MLYCD: variants seen among roughly 807,000 people sequenced by gnomAD.
The protein encoded by MLYCD is malonyl-CoA decarboxylase, also known as malonyl-CoA decarboxylase, mitochondrial.
Under a neutral mutation model 35.8 loss-of-function variants are expected in MLYCD, and 27 were observed. The ratio of observed to expected loss-of-function variants is 0.75; its 90% CI spans 0.56 to 1.04. The LOEUF (loss-of-function observed/expected upper bound fraction) is 1.04, where lower values mean the gene tolerates loss of function less well. Among genes scored for constraint, MLYCD ranks in the 50% least tolerant of loss-of-function variants. MLYCD has a pLI of 0.00. For synonymous variants in MLYCD, 403 were observed against 302.4 expected, an observed-to-expected ratio of 1.33 and a Z score of -3.45; for missense variants, 917 against 665.1, an observed-to-expected ratio of 1.38 and a Z score of -4.17.
rs1303720410 is a variant in MLYCD, at chr16:83,915,500, C to A, written c.*11C>A. ...AACAGCAAGCTCTGACAGTAAACCT[C>A]TCCTAAAGCACAGGGCCCCGGCTAA... On this transcript the variant is annotated 3_prime_UTR_variant, in exon 5 of 5. Coordinates refer to ENST00000262430, the MANE Select transcript of MLYCD (RefSeq NM_012213.3). 10 of 1,608,770 alleles carry A rather than the reference C, an allele frequency of 6.2e-6. No homozygotes were observed. In the African/African-American group the frequency reaches 1.3e-4, roughly 21 times the overall value.
chr16:83,912,390 C>G, intron 4 of MLYCD, 23 bp downstream of exon 4: 2 of 1,613,872 alleles, frequency 1.2e-6, no homozygotes, highest in Non-Finnish European at 1.7e-6. Context: ...CAGGGAGCCC[C>G]GGTCACGCTT....
intron 1 of MLYCD, among the ~76,000 whole-genome samples, chr16:83,903,098 G>A (rs1035676250): frequency 1.3e-5 from 2 of 152,192 alleles, no homozygotes; most frequent in South Asian, 4.1e-4. Context: ...GCGAGGTTCA[G>A]TGATTTGTGG....
chr16:83,909,133 T>C (rs1907083391), intron 3 of MLYCD, among the ~76,000 whole-genome samples: 1 of 152,174 alleles, frequency 6.6e-6, no homozygotes, highest in African/African-American at 2.4e-5. Flanking sequence ...CGATGCCCTC[T>C]TGGTGGGACT....
intron 1 of MLYCD, among the ~76,000 whole-genome samples, chr16:83,902,588 C>T (rs374787664): frequency 4.6e-5 from 7 of 150,900 alleles, no homozygotes; most frequent in African/African-American, 1.5e-4. Context: ...TCATTGCAAC[C>T]TTCGCCTCCC....
At position 83,927,016 on chromosome 16, in the gene MLYCD, A is replaced by ATAAAT. The variant is rs1555540814; in HGVS notation, c.*11527_*11528insTAAAT. On this transcript the variant is annotated 3_prime_UTR_variant, in exon 5 of 5. Coordinates refer to ENST00000262430, the MANE Select transcript of MLYCD (RefSeq NM_012213.3). The stretch of plus-strand genomic sequence containing the variant: ...ACGTCTCAAAAAAAAATAAAAATAA[A>ATAAAT]AAAATAAAATCCTAACAGGTAGCAT... 1.8e-3 allele frequency: 281 copies of ATAAAT among 152,094 alleles called. 1 individual carries two copies. The highest frequency in any genetic ancestry group is 6.5e-3 in the African/African-American group (270 of 41,434). The allele number at this position is 152,094 out of a possible 1,614,324, so 9.4% of individuals were successfully genotyped here. A position where few individuals can be genotyped will look rare whatever the true frequency, so the allele number is the denominator to read the frequency against.
chr16:83,902,616 C>T (rs1031433389), intron 1 of MLYCD, among the ~76,000 whole-genome samples: 4 of 151,722 alleles, frequency 2.6e-5, no homozygotes, highest in Non-Finnish European at 5.9e-5. Flanking sequence ...AGCCATTCTC[C>T]CACCTCAGCC....
chr16:83,907,986 T>G, intron 2 of MLYCD, 140 bp from the exon 3 acceptor site: 1 of 1,090,512 alleles, frequency 9.2e-7, no homozygotes, highest in Non-Finnish European at 1.3e-6. Context: ...GAAAATGACT[T>G]TCTTTGAATT....
In MLYCD at chr16:83,923,347, T is replaced by G. The variant is rs1159028318; in HGVS notation, c.*7858T>G. 6.6e-6 allele frequency: 1 copy of G among 152,262 alleles called. No homozygotes were observed. The highest frequency in any genetic ancestry group is 1.5e-5 in the Non-Finnish European group (1 of 68,042). 9.4% of individuals were successfully genotyped at this position (152,262 alleles called of 1,614,324 possible). ...GGATTCTGAGGCGCTTACAGAAATA[T>G]GAAGTCCATTTTGATCTACTCTTAG... On this transcript the variant is annotated 3_prime_UTR_variant, in exon 5 of 5. Transcript: ENST00000262430.
intron 3 of MLYCD, among the ~76,000 whole-genome samples, chr16:83,911,311 A>T (rs1461324479): frequency 6.6e-6 from 1 of 152,246 alleles, no homozygotes. Context: ...CAGAAAGTTC[A>T]TGGACTGACT....
At position 83,916,951 on chromosome 16, in the gene MLYCD, G is replaced by T. The variant is rs1356140206; in HGVS notation, c.*1462G>T. The T allele has an allele frequency of 7.2e-6, 1 of 138,184 alleles. No individual in the cohort carries two copies. The highest frequency in any genetic ancestry group is 2.8e-5 in the African/African-American group (1 of 35,236). 8.6% of individuals were successfully genotyped at this position (138,184 alleles called of 1,614,324 possible). A position where few individuals can be genotyped will look rare whatever the true frequency, so the allele number is the denominator to read the frequency against. On this transcript the variant is annotated 3_prime_UTR_variant, in exon 5 of 5. Coordinates refer to ENST00000262430, the MANE Select transcript of MLYCD (RefSeq NM_012213.3). Reference sequence around the variant, plus strand: ...TGGATCAGTGCACGTCTGTGTGCGTGTGCACGAGCGTTCTATGTGGATCAG... The same window carrying T: ...TGGATCAGTGCACGTCTGTGTGCGTTTGCACGAGCGTTCTATGTGGATCAG...
intron 1 of MLYCD, among the ~76,000 whole-genome samples, chr16:83,900,562 C>T (rs546744166): frequency 2.4e-3 from 367 of 150,558 alleles, no homozygotes; most frequent in African/African-American, 8.4e-3. Context: ...ACTACAGGTG[C>T]AGGCCACCAT....
At chr16:83,906,577 A>AGAGGATGAGGACAGTGCTGTTGACACCCT (rs1906983208) in intron 1 of MLYCD, among the ~76,000 whole-genome samples, 1 of 152,150 alleles carries the variant, frequency 6.6e-6, no homozygotes, top group Non-Finnish European at 1.5e-5. Context: ...AAGGTTCCCG[A>AGAGGATGAGGACAGTGCTGTTGACACCCT]GAGGATGAGG....
At position 83,919,243 on chromosome 16, in the gene MLYCD, A is replaced by G. The variant is rs2151062262; in HGVS notation, c.*3754A>G. The G allele has an allele frequency of 1.4e-5, 2 of 147,496 alleles. No individual in the cohort carries two copies. The highest frequency in any genetic ancestry group is 2.1e-4 in the East Asian group (1 of 4,812). The allele number at this position is 147,496 out of a possible 1,614,324, so 9.1% of individuals were successfully genotyped here. ...ACAGGAGAACACACACACACACTGC[A>G]CAGGAGACCATGCACAGTGCACAGG... On this transcript the variant is annotated 3_prime_UTR_variant, in exon 5 of 5. Coordinates refer to ENST00000262430, the MANE Select transcript of MLYCD (RefSeq NM_012213.3).
intron 3 of MLYCD, among the ~76,000 whole-genome samples, chr16:83,908,613 G>C (rs958192496): frequency 1.3e-5 from 2 of 152,350 alleles, no homozygotes; most frequent in South Asian, 2.1e-4. Context: ...TTCATACATA[G>C]TTTACCTTTA....
At chr16:83,900,019 A>G (rs1224205416) in intron 1 of MLYCD, among the ~76,000 whole-genome samples, 1 of 152,188 alleles carries the variant, frequency 6.6e-6, no homozygotes, top group Non-Finnish European at 1.5e-5. Context: ...GAAGTGTTTC[A>G]TCTATATGGT....
In MLYCD at chr16:83,923,712, G is replaced by A; in HGVS notation, c.*8223G>A. On this transcript the variant is annotated 3_prime_UTR_variant, in exon 5 of 5. Transcript: ENST00000262430. ...GGAGAGGGCTGAGCAGCTGGTGAGG[G>A]CAGAGTTGGGACTCAAACCCAGGCC... 1 of 152,476 alleles carries A rather than the reference G, an allele frequency of 6.6e-6. No homozygotes were observed. The highest frequency in any genetic ancestry group is 1.5e-5 in the Non-Finnish European group (1 of 68,186). 9.4% of individuals were successfully genotyped at this position (152,476 alleles called of 1,614,324 possible).
chr16:83,904,944 T>G (rs75424268), intron 1 of MLYCD, among the ~76,000 whole-genome samples: 1 of 152,172 alleles, frequency 6.6e-6, no homozygotes, highest in African/African-American at 2.4e-5. Context: ...CAGAACAAAT[T>G]TGTGGCCTCT....
At position 83,915,651 on chromosome 16, in the gene MLYCD, C is replaced by G. The variant is rs1907357923; in HGVS notation, c.*162C>G. Reference sequence around the variant, plus strand: ...ACTGTGAGGCCAGGCCTCAACTTCCCTCACCCTGGGCGTGACATGCACCCA... The same window carrying G: ...ACTGTGAGGCCAGGCCTCAACTTCCGTCACCCTGGGCGTGACATGCACCCA... On this transcript the variant is annotated 3_prime_UTR_variant, in exon 5 of 5. Coordinates refer to ENST00000262430, the MANE Select transcript of MLYCD (RefSeq NM_012213.3). 6.6e-6 allele frequency: 10 copies of G among 1,508,748 alleles called. No individual in the cohort carries two copies. The highest frequency in any genetic ancestry group is 2.5e-5 in the East Asian group (1 of 40,568). 93.5% of individuals were successfully genotyped at this position (1,508,748 alleles called of 1,614,324 possible).
chr16:83,908,313 G>A (rs1279459399), intron 3 of MLYCD, 31 bp downstream of exon 3: 1 of 1,612,542 alleles, frequency 6.2e-7, no homozygotes, highest in Admixed American at 1.7e-5. Flanking sequence ...GGGACAAGAT[G>A]GGCACCCCAT....
Sources: gnomAD v4.1 joint callset for allele counts (sites outside exome capture counted in the v4.1 genomes callset) on GRCh38, gnomAD v4.1.1 for gene constraint, MANE v1.5 for transcripts, NCBI Gene and HGNC (gene_info 2026-07-23, HGNC 2026-07-21) for gene names.